LDB2: variants seen among roughly 807,000 people sequenced by gnomAD.
LDB2 encodes the protein LIM domain binding 2, also known as LIM domain-binding protein 2.
A neutral mutation model predicts 44.3 loss-of-function variants in LDB2; 12 were observed. The ratio of observed to expected loss-of-function variants is 0.27; its 90% CI spans 0.17 to 0.44. The LOEUF (loss-of-function observed/expected upper bound fraction) is 0.44. Among genes scored for constraint, LDB2 ranks in the 20% least tolerant of loss-of-function variants. The probability of loss-of-function intolerance (pLI) is 1.00; values close to 1 mark genes in which losing one functional copy is unlikely to be tolerated. For synonymous variants in LDB2, 164 were observed against 174.8 expected (o/e 0.94, Z 0.49); for missense variants, 344 against 473.5 (o/e 0.73, Z 2.54).
chr4:16,721,796 G>T (rs1363741517), intron 2 of LDB2, among the ~76,000 whole-genome samples: 2 of 152,146 alleles, frequency 1.3e-5, no homozygotes, highest in African/African-American at 4.8e-5. Flanking sequence ...AGGCCAGTTA[G>T]TCTAGATAAT....
intron 2 of LDB2, among the ~76,000 whole-genome samples, chr4:16,653,435 T>C (rs561684970): frequency 1.3e-5 from 2 of 152,326 alleles, no homozygotes; most frequent in Admixed American, 6.5e-5. Flanking sequence ...CTAGGGATCA[T>C]TTCCTGTAAA....
chr4:16,854,619 G>C (rs1179666897), intron 1 of LDB2, among the ~76,000 whole-genome samples: 1 of 150,688 alleles, frequency 6.6e-6, no homozygotes, highest in Non-Finnish European at 1.5e-5. Context: ...CCTTTCCCTA[G>C]GGGAGGAACT....
At chr4:16,506,025 G>T (rs1352938109) in intron 7 of LDB2, 1 of 1,541,024 alleles carries the variant, frequency 6.5e-7, no homozygotes, top group East Asian at 2.5e-5. Context: ...TTAAACCCTA[G>T]CCCTCGCCAG....
intron 2 of LDB2, among the ~76,000 whole-genome samples, chr4:16,727,366 T>G (rs1759733454): frequency 6.6e-6 from 1 of 152,202 alleles, no homozygotes; most frequent in South Asian, 2.1e-4. Flanking sequence ...GCAGAGGTTG[T>G]GTGTCTGTCA....
chr4:16,703,958 A>G (rs1754048480), intron 2 of LDB2, among the ~76,000 whole-genome samples: 1 of 152,200 alleles, frequency 6.6e-6, no homozygotes, highest in Non-Finnish European at 1.5e-5. Context: ...TATTTCCTTT[A>G]GGGAAAGATT....
At chr4:16,701,263 C>A (rs1753373439) in intron 2 of LDB2, among the ~76,000 whole-genome samples, 1 of 152,202 alleles carries the variant, frequency 6.6e-6, no homozygotes, top group Non-Finnish European at 1.5e-5. Flanking sequence ...CAATAGATAA[C>A]CCTTGAGTAG....
At chr4:16,656,127 C>G (rs954235361) in intron 2 of LDB2, among the ~76,000 whole-genome samples, 1 of 152,106 alleles carries the variant, frequency 6.6e-6, no homozygotes, top group Non-Finnish European at 1.5e-5. Context: ...GTCCCGATCT[C>G]CGGACCTCGT....
At chr4:16,870,924 A>C (rs552497362) in intron 1 of LDB2, among the ~76,000 whole-genome samples, 1 of 152,196 alleles carries the variant, frequency 6.6e-6, no homozygotes, top group East Asian at 1.9e-4. Flanking sequence ...ATGAGCCACC[A>C]TGCCCTGCCT....
intron 5 of LDB2, among the ~76,000 whole-genome samples, chr4:16,517,931 T>C (rs1388059124): frequency 6.6e-6 from 1 of 151,666 alleles, no homozygotes; most frequent in Non-Finnish European, 1.5e-5. Flanking sequence ...GGATGGATAA[T>C]AGATAGCTTG....
intron 1 of LDB2, among the ~76,000 whole-genome samples, chr4:16,831,398 G>A (rs1022993277): frequency 6.6e-6 from 1 of 152,050 alleles, no homozygotes; most frequent in East Asian, 1.9e-4. Flanking sequence ...GGAGGGTTTT[G>A]AAGAGAAGAG....
intron 1 of LDB2, among the ~76,000 whole-genome samples, chr4:16,816,758 T>C (rs1274962067): frequency 6.6e-6 from 1 of 152,218 alleles, no homozygotes; most frequent in Non-Finnish European, 1.5e-5. Flanking sequence ...TCCTGTTTTC[T>C]TTTTTGTCCT....
At chr4:16,757,735 A>G (rs1281894848) in intron 2 of LDB2, among the ~76,000 whole-genome samples, 1 of 152,060 alleles carries the variant, frequency 6.6e-6, no homozygotes, top group African/African-American at 2.4e-5. Flanking sequence ...TGCTGAGTTC[A>G]TTTATCTCCC....
rs553720846 is a variant in LDB2 at position 16,739,217 on chromosome 4, G to C, written c.235+19941C>G. 2.0e-5 allele frequency among the ~76,000 whole-genome samples: 3 copies of C among 151,804 alleles called. No individual in the cohort carries two copies. The South Asian group carries it at 6.3e-4, about 32-fold the overall frequency. ...TGATATAAGTATTTAAAATTTTTTG[G>C]AGACAATTTTTGGAGGTGTGGACAG... On this transcript the variant is annotated intron_variant, in intron 2 of 7. Coordinates refer to ENST00000304523, the MANE Select transcript of LDB2 (RefSeq NM_001290.5).
intron 2 of LDB2, among the ~76,000 whole-genome samples, chr4:16,608,101 A>G (rs1724441071): frequency 6.6e-6 from 1 of 151,686 alleles, no homozygotes; most frequent in South Asian, 2.1e-4. Context: ...TAAAAAATAA[A>G]GTCTCCTATC....
chr4:16,506,138 T>C, intron 7 of LDB2: 1 of 676,424 alleles, frequency 1.5e-6, no homozygotes, highest in Non-Finnish European at 2.4e-6. Context: ...GCATCTCTAG[T>C]TAACCAGTAG....
chr4:16,699,383 C>T (rs761546192), intron 2 of LDB2, among the ~76,000 whole-genome samples: 10 of 152,184 alleles, frequency 6.6e-5, no homozygotes, highest in Non-Finnish European at 1.5e-4. Flanking sequence ...ACTTCATTCC[C>T]TGATGATATT....
intron 1 of LDB2, among the ~76,000 whole-genome samples, chr4:16,845,341 C>A (rs556662807): frequency 1.3e-5 from 2 of 152,204 alleles, no homozygotes; most frequent in African/African-American, 4.8e-5. Context: ...CTGTGACTAT[C>A]CCATGGCCGC....
At chr4:16,644,830 G>T (rs576856740) in intron 2 of LDB2, among the ~76,000 whole-genome samples, 2 of 152,052 alleles carry the variant, frequency 1.3e-5, no homozygotes, top group East Asian at 3.9e-4. Context: ...GTTCTTTTCC[G>T]ATCATCTTCC....
At chr4:16,563,424 ATCAGATTTTTTTTTT>A (rs1743202919) in intron 5 of LDB2, among the ~76,000 whole-genome samples, 4 of 123,766 alleles carry the variant, frequency 3.2e-5, no homozygotes, top group African/African-American at 9.7e-5. Flanking sequence ...CTCATCAGTC[ATCAGATTTTTTTTTT>A]TTTTTTTTTT....
Sources: allele counts gnomAD v4.1 joint callset (sites outside exome capture counted in the v4.1 genomes callset), GRCh38; gene constraint gnomAD v4.1.1; transcripts MANE v1.5; gene names NCBI Gene and HGNC (gene_info 2026-07-23, HGNC 2026-07-21).